CDC27: variants seen among roughly 807,000 people sequenced by gnomAD.
CDC27 encodes the protein cell division cycle protein 27 homolog.
CDC27 carries 27 observed loss-of-function variants against 109.7 expected under a neutral mutation model. The ratio of observed to expected loss-of-function variants is 0.25; its 90% CI spans 0.18 to 0.34. CDC27 has a LOEUF of 0.34. CDC27 is among the 10% of genes least tolerant of loss of function. The pLI is 1.00. For synonymous variants in CDC27, 266 were observed against 333.9 expected (o/e 0.80, Z 2.22); for missense variants, 579 against 960.2 (o/e 0.60, Z 5.25).
At position 47,178,126 on chromosome 17, in the gene CDC27, A is replaced by G. The variant is rs139089029; in HGVS notation, c.103+3436T>C. On this transcript the variant is annotated intron_variant, in intron 2 of 18. Coordinates refer to ENST00000066544, the MANE Select transcript of CDC27 (RefSeq NM_001256.6). The stretch of plus-strand genomic sequence containing the variant: ...TAGGACAGTTTTTCCAAAACAGCAA[A>G]TCTCAACTCACTAGTGGACTGTGAT... Among the ~76,000 whole-genome samples, 355 of 152,296 alleles carry G rather than the reference A, an allele frequency of 2.3e-3. 2 individuals carry two copies. The highest frequency in any genetic ancestry group is 0.014 in the Middle Eastern group (4 of 294).
chr17:47,189,234 G>T lies in CDC27; in HGVS notation c.-62C>A. 1.5e-6 allele frequency: 2 copies of T among 1,319,516 alleles called. No individual in the cohort carries two copies. Among genetic ancestry groups the T allele is most frequent in the South Asian group, 1.2e-5 (1 of 84,994 alleles). 81.7% of individuals were successfully genotyped at this position (1,319,516 alleles called of 1,614,324 possible). ...GCCCCCCCTGTAGCGGCTCCGGCCC[G>T]GCCAGCCCCTGCTCATTTAAACTCA... On this transcript the variant is annotated 5_prime_UTR_variant, in exon 1 of 19. Coordinates refer to ENST00000066544, the MANE Select transcript of CDC27 (RefSeq NM_001256.6).
At chr17:47,147,271 C>T (rs890922675) in intron 9 of CDC27, among the ~76,000 whole-genome samples, 34 of 151,354 alleles carry the variant, frequency 2.2e-4, no homozygotes, top group Admixed American at 1.8e-3. Context: ...TGGTGGCGCG[C>T]GCCTGTAGTC....
intron 18 of CDC27, 67 bp from the exon 19 acceptor site, chr17:47,121,084 CAAGT>C (rs1349791297): frequency 3.9e-6 from 4 of 1,016,434 alleles, no homozygotes; most frequent in Non-Finnish European, 4.5e-6. Context: ...TTCATGAAAA[CAAGT>C]AAGAAAAATT....
chr17:47,144,044 G>A, intron 9 of CDC27, 62 bp from the exon 10 acceptor site: 1 of 575,230 alleles, frequency 1.7e-6, no homozygotes, highest in South Asian at 5.8e-5. Context: ...ATTAACCATT[G>A]TTTCAATTTG....
At chr17:47,185,146 A>C (rs1288595370) in intron 1 of CDC27, among the ~76,000 whole-genome samples, 2 of 152,062 alleles carry the variant, frequency 1.3e-5, no homozygotes, top group Non-Finnish European at 2.9e-5. Flanking sequence ...AACCTCTATA[A>C]GTTGTACTTA....
At chr17:47,129,670 GTAAT>G (rs1198140340) in intron 15 of CDC27, 149 bp from the exon 16 acceptor site, 1 of 469,160 alleles carries the variant, frequency 2.1e-6, no homozygotes, top group African/African-American at 1.9e-5. Context: ...AGTGGATTTA[GTAAT>G]TAATTACCAA....
chr17:47,171,336 T>A (rs1234478762), intron 3 of CDC27, among the ~76,000 whole-genome samples: 1 of 152,224 alleles, frequency 6.6e-6, no homozygotes, highest in Non-Finnish European at 1.5e-5. Context: ...TACAAGCCAA[T>A]TATACATACA....
intron 4 of CDC27, among the ~76,000 whole-genome samples, chr17:47,165,380 C>T (rs1783183670): frequency 6.6e-6 from 1 of 152,180 alleles, no homozygotes; most frequent in Non-Finnish European, 1.5e-5. Flanking sequence ...TTATTTTTAG[C>T]CATTGTATCT....
chr17:47,169,561 C>T lies in CDC27; in HGVS notation c.377+356G>A, dbSNP rs562285992. Among the ~76,000 whole-genome samples the T allele has an allele frequency of 3.3e-5, 5 of 150,852 alleles. No homozygotes were observed. The East Asian group carries it at 5.9e-4, about 18-fold the overall frequency. On this transcript the variant is annotated intron_variant, in intron 4 of 18. Transcript: ENST00000066544. ...TTGGGAGGCTGAGGCAGGAGAATTG[C>T]TTGAACCCTGGAGGTGGAGGTTGCA...
chr17:47,132,676 C>A (rs2062382067), intron 14 of CDC27, among the ~76,000 whole-genome samples: 1 of 150,454 alleles, frequency 6.6e-6, no homozygotes. Flanking sequence ...AAGAATCCTC[C>A]AGCCTCAGCC....
intron 9 of CDC27, among the ~76,000 whole-genome samples, chr17:47,150,808 G>A (rs1043704763): frequency 2.0e-5 from 3 of 152,144 alleles, no homozygotes; most frequent in Admixed American, 6.5e-5. Context: ...TGAGGCAGGC[G>A]GATCACCTGA....
chr17:47,169,392 T>A (rs989216426), intron 4 of CDC27, among the ~76,000 whole-genome samples: 4 of 152,014 alleles, frequency 2.6e-5, no homozygotes, highest in African/African-American at 9.7e-5. Flanking sequence ...ACACCTGTAA[T>A]CCCAGCACTT....
In CDC27 at chr17:47,152,810, C is replaced by T. The variant is rs74905672; in HGVS notation, c.958-892G>A. On this transcript the variant is annotated intron_variant, in intron 8 of 18. Coordinates refer to ENST00000066544, the MANE Select transcript of CDC27 (RefSeq NM_001256.6). Reference sequence around the variant, plus strand: ...CCCTACTTTTTGAAACTTTGTGTTACTTCCAAAACATTACATTATTTGTCC... The same window carrying T: ...CCCTACTTTTTGAAACTTTGTGTTATTTCCAAAACATTACATTATTTGTCC... Among the ~76,000 whole-genome samples the T allele has an allele frequency of 8.1e-4, 123 of 152,312 alleles. 1 individual carries two copies. In the Middle Eastern group the frequency reaches 0.024, roughly 29 times the overall value.
At chr17:47,185,637 A>G (rs2064406865) in intron 1 of CDC27, among the ~76,000 whole-genome samples, 1 of 152,002 alleles carries the variant, frequency 6.6e-6, no homozygotes, top group Non-Finnish European at 1.5e-5. Context: ...CCTTGGCTCA[A>G]GTGATCTGTC....
At chr17:47,168,896 A>G (rs2063726812) in intron 4 of CDC27, among the ~76,000 whole-genome samples, 1 of 151,860 alleles carries the variant, frequency 6.6e-6, no homozygotes, top group Admixed American at 6.6e-5. Flanking sequence ...AGCAGTCCCC[A>G]GTCACTTCTC....
intron 15 of CDC27, 48 bp downstream of exon 15, chr17:47,132,209 T>A: frequency 1.2e-6 from 1 of 864,612 alleles, no homozygotes; most frequent in Non-Finnish European, 1.8e-6. Context: ...AACAAACATA[T>A]TTCAAAAGGG....
intron 9 of CDC27, among the ~76,000 whole-genome samples, chr17:47,149,360 A>G (rs941475236): frequency 1.3e-5 from 2 of 151,372 alleles, no homozygotes; most frequent in African/African-American, 4.9e-5. Flanking sequence ...AAAATACAAA[A>G]ATTAGCTGGG....
intron 2 of CDC27, among the ~76,000 whole-genome samples, chr17:47,179,455 C>T (rs2064142455): frequency 6.6e-6 from 1 of 152,140 alleles, no homozygotes; most frequent in African/African-American, 2.4e-5. Context: ...CTTGGGAAAG[C>T]GGAATCAGAC....
At chr17:47,178,553 GA>G (rs3032863) in intron 2 of CDC27, among the ~76,000 whole-genome samples, 20,903 of 137,720 alleles carry the variant, frequency 0.15, 2,130 homozygotes, top group East Asian at 0.56. Context: ...ATAAAAATAA[GA>G]AAAAAAAAAA....
Sources: allele counts gnomAD v4.1 joint callset (sites outside exome capture counted in the v4.1 genomes callset), GRCh38; gene constraint gnomAD v4.1.1; transcripts MANE v1.5; gene names NCBI Gene and HGNC (gene_info 2026-07-23, HGNC 2026-07-21).